Variants in ASAP1 observed in about 807,000 individuals in gnomAD.
ASAP1 encodes ArfGAP with SH3 domain, ankyrin repeat and PH domain 1.
In ASAP1, 43 loss-of-function variants were observed where a neutral mutation model predicts 145.2. That is an observed-to-expected ratio of 0.30 (90% CI 0.23 to 0.38). The LOEUF is 0.38. ASAP1 is among the 10% of genes least tolerant of loss of function. ASAP1 has a pLI of 1.00. For missense variants in ASAP1, 1,018 were observed against 1,355.3 expected, an observed-to-expected ratio of 0.75 and a Z score of 3.91; for synonymous variants, 546 against 515.5, an observed-to-expected ratio of 1.06 and a Z score of -0.80.
chr8:130,240,959 A>G (rs1818489454), intron 3 of ASAP1, among the ~76,000 whole-genome samples: 1 of 152,174 alleles, frequency 6.6e-6, no homozygotes, highest in Non-Finnish European at 1.5e-5. Flanking sequence ...AAAAGGATGT[A>G]GAAAAATTAT....
intron 13 of ASAP1, among the ~76,000 whole-genome samples, chr8:130,142,508 G>A (rs370789983): frequency 2.8e-4 from 43 of 152,236 alleles, no homozygotes; most frequent in African/African-American, 1.0e-3. Context: ...CACATTCCAA[G>A]CACATCTGAG....
At chr8:130,105,647 A>G (rs987482694) in intron 24 of ASAP1, among the ~76,000 whole-genome samples, 3 of 152,212 alleles carry the variant, frequency 2.0e-5, no homozygotes, top group African/African-American at 7.2e-5. Flanking sequence ...AATTACTTTA[A>G]AAAGTAATTA....
intron 2 of ASAP1, among the ~76,000 whole-genome samples, chr8:130,379,647 C>T (rs1008205206): frequency 7.2e-5 from 11 of 152,184 alleles, no homozygotes; most frequent in Non-Finnish European, 1.5e-4. Flanking sequence ...ATAGAGAAAA[C>T]CCCAAACATT....
chr8:130,180,583 G>T (rs1302006631), intron 8 of ASAP1, among the ~76,000 whole-genome samples, 168 bp downstream of exon 8: 5 of 152,188 alleles, frequency 3.3e-5, no homozygotes, highest in African/African-American at 1.2e-4. Flanking sequence ...CAGTGCAATG[G>T]CAGGTTCCCA....
At chr8:130,257,901 G>T (rs1819665532) in intron 3 of ASAP1, among the ~76,000 whole-genome samples, 2 of 151,370 alleles carry the variant, frequency 1.3e-5, no homozygotes, top group Admixed American at 6.6e-5. Context: ...TTAAAGAAGA[G>T]ATTGCAAATG....
intron 3 of ASAP1, among the ~76,000 whole-genome samples, chr8:130,318,071 G>C (rs1327174795): frequency 6.6e-6 from 1 of 152,210 alleles, no homozygotes; most frequent in Admixed American, 6.5e-5. Context: ...TTGTTTGATG[G>C]AATCCATGGA....
Position 130,152,816 on chromosome 8 carries a change from A to T in ASAP1, c.1011-11T>A. 1 of 1,599,852 alleles carries T rather than the reference A, an allele frequency of 6.3e-7. No individual in the cohort carries two copies. Among genetic ancestry groups the T allele is most frequent in the Non-Finnish European group, 8.6e-7 (1 of 1,168,950 alleles). On this transcript the variant is annotated splice_polypyrimidine_tract_variant and intron_variant, in intron 12 of 29. Transcript: ENST00000518721. ...CATACTTTCCGGATCCTAAGGAGGAAGTCAAACACAACTAGATATAGTAAC... is the reference window on the plus strand; with the variant it reads ...CATACTTTCCGGATCCTAAGGAGGATGTCAAACACAACTAGATATAGTAAC...
chr8:130,299,252 C>T (rs1047703516), intron 3 of ASAP1, among the ~76,000 whole-genome samples: 1 of 152,146 alleles, frequency 6.6e-6, no homozygotes, highest in African/African-American at 2.4e-5. Context: ...GCAGATGTGC[C>T]CACTCTACAT....
At chr8:130,118,950 A>T (rs947507883) in intron 18 of ASAP1, among the ~76,000 whole-genome samples, 4 of 152,340 alleles carry the variant, frequency 2.6e-5, no homozygotes, top group African/African-American at 9.6e-5. Context: ...ACAGCATGAG[A>T]AATCAACTAT....
chr8:130,160,126 C>A (rs138010215), intron 11 of ASAP1, 162 bp from the exon 12 acceptor site: 3 of 608,654 alleles, frequency 4.9e-6, no homozygotes, highest in Non-Finnish European at 8.7e-6. Flanking sequence ...GGAAACAGGG[C>A]AGCTAAACAC....
intron 2 of ASAP1, among the ~76,000 whole-genome samples, chr8:130,397,885 TAAG>T (rs1828606924): frequency 6.6e-6 from 1 of 152,336 alleles, no homozygotes; most frequent in South Asian, 2.1e-4. Flanking sequence ...TTCCTCTAGA[TAAG>T]AAGCCCCATG....
At chr8:130,442,350 G>A (rs911540409) in intron 1 of ASAP1, among the ~76,000 whole-genome samples, 2 of 152,092 alleles carry the variant, frequency 1.3e-5, no homozygotes, top group African/African-American at 2.4e-5. Context: ...CTCTGAAGGG[G>A]GTGAATCAGT....
intron 3 of ASAP1, among the ~76,000 whole-genome samples, chr8:130,336,699 G>C (rs1403824613): frequency 6.6e-6 from 1 of 152,136 alleles, no homozygotes; most frequent in African/African-American, 2.4e-5. Context: ...CAACCAGGGG[G>C]AAAAATACTT....
intron 4 of ASAP1, among the ~76,000 whole-genome samples, chr8:130,229,316 T>C (rs959373551): frequency 6.6e-6 from 1 of 152,148 alleles, no homozygotes; most frequent in African/African-American, 2.4e-5. Context: ...TTGTTAGAGG[T>C]TGTCATGGCA....
chr8:130,194,880 C>A (rs1815375247), intron 5 of ASAP1, among the ~76,000 whole-genome samples: 1 of 152,148 alleles, frequency 6.6e-6, no homozygotes, highest in Non-Finnish European at 1.5e-5. Context: ...GGGGGCCCCT[C>A]CTTTATATGA....
chr8:130,300,007 GAGTC>G (rs901137158), intron 3 of ASAP1, among the ~76,000 whole-genome samples: 2 of 151,868 alleles, frequency 1.3e-5, no homozygotes, highest in Middle Eastern at 3.2e-3. Flanking sequence ...ATTAAACAAG[GAGTC>G]AGGCAGTTTC....
chr8:130,237,486 ATTTC>A (rs1818283647), intron 3 of ASAP1, among the ~76,000 whole-genome samples: 1 of 151,412 alleles, frequency 6.6e-6, no homozygotes, highest in South Asian at 2.1e-4. Context: ...AAGTTTTGCG[ATTTC>A]TTTTAGTGTT....
Position 130,400,981 on chromosome 8 carries a change from A to G in ASAP1, c.59+904T>C, listed in dbSNP as rs556069557. On this transcript the variant is annotated intron_variant, in intron 2 of 29. Coordinates refer to ENST00000518721, the MANE Select transcript of ASAP1 (RefSeq NM_018482.4). The stretch of plus-strand genomic sequence containing the variant: ...CTGCAACCTCTGCTTCCGGGGTTCA[A>G]GTGATTCTCCCTCCTCAGCCTCCCG... 7.9e-4 allele frequency among the ~76,000 whole-genome samples: 120 copies of G among 151,868 alleles called. 1 individual carries two copies. The highest frequency in any genetic ancestry group is 2.5e-3 in the African/African-American group (103 of 41,466).
chr8:130,061,158 G>C (rs889151861), intron 27 of ASAP1, 89 bp from the exon 28 acceptor site: 21 of 1,481,274 alleles, frequency 1.4e-5, no homozygotes, highest in Non-Finnish European at 1.7e-5. Flanking sequence ...CATCATGAAG[G>C]GAACTGACCT....
Sources: gnomAD v4.1 joint callset for allele counts (sites outside exome capture counted in the v4.1 genomes callset) on GRCh38, gnomAD v4.1.1 for gene constraint, MANE v1.5 for transcripts, NCBI Gene and HGNC (gene_info 2026-07-23, HGNC 2026-07-21) for gene names.